Variants in HDAC9 observed in about 807,000 individuals in gnomAD.
HDAC9 encodes MEF-2 interacting transcription repressor (MITR) protein.
In HDAC9, 41 loss-of-function variants were observed where a neutral mutation model predicts 139.4. The observed-to-expected ratio is 0.29, with a 90% CI of 0.23 to 0.38. The LOEUF is 0.38. Ranked by LOEUF, HDAC9 falls within the 10% of genes least tolerant of loss-of-function variation. HDAC9 has a pLI of 1.00. For synonymous variants in HDAC9, 517 were observed against 476.2 expected (o/e 1.09, Z -1.12); for missense variants, 1,147 against 1,297.0 (o/e 0.88, Z 1.78).
intron 1 of HDAC9, among the ~76,000 whole-genome samples, chr7:18,411,527 A>G (rs550098872): frequency 6.6e-6 from 1 of 152,168 alleles, no homozygotes; most frequent in Non-Finnish European, 1.5e-5. Context: ...GGTGTACACC[A>G]TCACACCTGG....
intron 1 of HDAC9, among the ~76,000 whole-genome samples, chr7:18,441,992 G>T (rs181788967): frequency 1.3e-5 from 2 of 152,094 alleles, no homozygotes; most frequent in Non-Finnish European, 1.5e-5. Context: ...GGATGGTCTC[G>T]ATCTCCTGAC....
chr7:18,604,612 G>A (rs1007598470), intron 6 of HDAC9, among the ~76,000 whole-genome samples: 4 of 151,880 alleles, frequency 2.6e-5, no homozygotes, highest in African/African-American at 9.7e-5. Flanking sequence ...TGTTAGCCAG[G>A]ATGGTCTTGA....
chr7:18,817,768 C>T (rs1224847814), intron 17 of HDAC9, among the ~76,000 whole-genome samples: 1 of 152,066 alleles, frequency 6.6e-6, no homozygotes, highest in Admixed American at 6.6e-5. Flanking sequence ...CTGTACTATC[C>T]CAGCATAGTC....
At chr7:18,600,478 C>G (rs1420970897) in intron 6 of HDAC9, among the ~76,000 whole-genome samples, 3 of 152,146 alleles carry the variant, frequency 2.0e-5, no homozygotes, top group African/African-American at 7.2e-5. Context: ...AGGTCCTTGT[C>G]TAGATTCATT....
chr7:18,834,963 T>C (rs1796128241), intron 19 of HDAC9, among the ~76,000 whole-genome samples: 1 of 152,238 alleles, frequency 6.6e-6, no homozygotes, highest in Non-Finnish European at 1.5e-5. Context: ...CCATAGATCC[T>C]TCTGCAAAAT....
chr7:18,725,309 C>A (rs1345472534), intron 12 of HDAC9, among the ~76,000 whole-genome samples: 4 of 151,852 alleles, frequency 2.6e-5, no homozygotes, highest in Non-Finnish European at 5.9e-5. Flanking sequence ...TGCACAGGGC[C>A]CCTGAAAGTC....
At chr7:18,942,523 A>T (rs1161695874) in intron 23 of HDAC9, among the ~76,000 whole-genome samples, 1 of 152,118 alleles carries the variant, frequency 6.6e-6, no homozygotes, top group African/African-American at 2.4e-5. Context: ...GTGTAAAACA[A>T]CAACAGCAAC....
chr7:18,631,901 A>T (rs1782470779), intron 7 of HDAC9, among the ~76,000 whole-genome samples: 1 of 152,008 alleles, frequency 6.6e-6, no homozygotes, highest in Non-Finnish European at 1.5e-5. Context: ...ATGTCATAGA[A>T]TCCTCTGGTA....
At chr7:18,198,863 C>T (rs989478504) in intron 2 of HDAC9, among the ~76,000 whole-genome samples, 4 of 152,044 alleles carry the variant, frequency 2.6e-5, no homozygotes, top group African/African-American at 9.7e-5. Flanking sequence ...CACTAACAAC[C>T]AACATTTTTT....
chr7:18,340,848 G>A lies in HDAC9; in HGVS notation c.-42+50333G>A, dbSNP rs182213789. On this transcript the variant is annotated intron_variant, in intron 1 of 3. Transcript: ENST00000413509. ...TTTGTATAAATCAATTTTCCCATTT[G>A]GCATCAGTTTCCTTCTGCTTGAAGG... Among the ~76,000 whole-genome samples, 11 of 151,258 alleles carry A rather than the reference G, an allele frequency of 7.3e-5. No homozygotes were observed. The East Asian group carries it at 1.6e-3, about 21-fold the overall frequency.
rs1451007695 is a variant in HDAC9, at chr7:18,679,632, G to T, written c.1731+13156G>T. Among the ~76,000 whole-genome samples the T allele has an allele frequency of 2.1e-5, 3 of 142,758 alleles. No individual in the cohort carries two copies. The Admixed American group carries it at 2.2e-4, about 10-fold the overall frequency. The allele number at this position is 142,758 out of a possible 152,430, so 93.7% of individuals were successfully genotyped here. ...TTCTCTCTCTTTCCTTTTCTTCTCT[G>T]AGTAACATTGATCCTACTAAATTTA... On this transcript the variant is annotated intron_variant, in intron 12 of 25. Coordinates refer to ENST00000686413, the MANE Select transcript of HDAC9 (RefSeq NM_178425.4).
intron 1 of HDAC9, among the ~76,000 whole-genome samples, chr7:18,426,575 T>C (rs371218048): frequency 2.6e-5 from 4 of 152,342 alleles, no homozygotes; most frequent in African/African-American, 9.6e-5. Context: ...GAAATTTGTA[T>C]TCAGCATCTT....
chr7:18,900,782 C>G (rs1441022533), intron 22 of HDAC9, among the ~76,000 whole-genome samples: 1 of 152,036 alleles, frequency 6.6e-6, no homozygotes, highest in South Asian at 2.1e-4. Flanking sequence ...TGACATAAAG[C>G]AATAAGAAGT....
At chr7:18,763,472 T>G (rs1039218563) in intron 15 of HDAC9, among the ~76,000 whole-genome samples, 2 of 152,262 alleles carry the variant, frequency 1.3e-5, no homozygotes, top group African/African-American at 4.8e-5. Context: ...TATTTGATGA[T>G]AAAAAATAAT....
intron 2 of HDAC9, among the ~76,000 whole-genome samples, chr7:18,204,147 T>C (rs759954907): frequency 1.3e-5 from 2 of 152,130 alleles, no homozygotes; most frequent in Non-Finnish European, 2.9e-5. Context: ...CAGTGAAAGT[T>C]TTAAAAATAA....
At chr7:18,655,781 T>C (rs573853289) in intron 11 of HDAC9, among the ~76,000 whole-genome samples, 2 of 152,234 alleles carry the variant, frequency 1.3e-5, no homozygotes, top group East Asian at 1.9e-4. Context: ...GACGCTTTTA[T>C]TGAATGAGAA....
At chr7:18,627,496 A>T (rs1012392596) in intron 6 of HDAC9, among the ~76,000 whole-genome samples, 1 of 152,190 alleles carries the variant, frequency 6.6e-6, no homozygotes, top group African/African-American at 2.4e-5. Context: ...TTTTTGAAGT[A>T]ATTTAAAAAT....
chr7:18,679,670 C>G (rs1304160074), intron 12 of HDAC9, among the ~76,000 whole-genome samples: 3 of 150,974 alleles, frequency 2.0e-5, no homozygotes, highest in Non-Finnish European at 3.0e-5. Context: ...AGACCGTGTT[C>G]TGTTAATTCA....
rs111786847 is a variant in HDAC9 at position 18,476,180 on chromosome 7, A to G, written c.-41-20082A>G. Among the ~76,000 whole-genome samples the G allele has an allele frequency of 8.2e-3, 1,250 of 152,246 alleles. 16 individuals are homozygous for G. The highest frequency in any genetic ancestry group is 0.028 in the African/African-American group (1,159 of 41,534). On this transcript the variant is annotated intron_variant, in intron 1 of 3. Transcript: ENST00000413509. ...AAATAGCAGGTGTAATGTTTATGCT[A>G]TGTTACTCTGCAGGGATAGTGGGCT...
Sources: gnomAD v4.1 joint callset for allele counts (sites outside exome capture counted in the v4.1 genomes callset) on GRCh38, gnomAD v4.1.1 for gene constraint, MANE v1.5 for transcripts, NCBI Gene and HGNC (gene_info 2026-07-23, HGNC 2026-07-21) for gene names.